Variants in CDYL2 observed in about 807,000 individuals in gnomAD.
CDYL2 encodes chromodomain Y like 2, also known as chromodomain Y-like protein 2.
In CDYL2, 23 loss-of-function variants were observed where a neutral mutation model predicts 49.4. The observed-to-expected ratio is 0.47, with a 90% CI of 0.34 to 0.66. The LOEUF is 0.66. Ranked by LOEUF, CDYL2 falls within the 30% of genes least tolerant of loss-of-function variation. The pLI is 0.01. For synonymous variants in CDYL2, 360 were observed against 268.8 expected, an observed-to-expected ratio of 1.34 and a Z score of -3.32; for missense variants, 678 against 656.4, an observed-to-expected ratio of 1.03 and a Z score of -0.36.
intron 1 of CDYL2, among the ~76,000 whole-genome samples, chr16:80,768,207 C>T (rs1023120627): frequency 3.9e-5 from 6 of 152,184 alleles, no homozygotes; most frequent in Middle Eastern, 3.2e-3. Context: ...ACAGAACATA[C>T]TAGAGATCCT....
intron 1 of CDYL2, among the ~76,000 whole-genome samples, chr16:80,789,283 A>T (rs148300032): frequency 6.6e-6 from 1 of 152,286 alleles, no homozygotes; most frequent in Non-Finnish European, 1.5e-5. Context: ...TATCTACCCA[A>T]AGGAAAAGAA....
chr16:80,730,904 T>G (rs118125777), intron 1 of CDYL2, among the ~76,000 whole-genome samples: 4,400 of 152,246 alleles, frequency 0.029, 85 homozygotes, highest in East Asian at 0.097. Context: ...AAATGTAAAC[T>G]AATCTGCACT....
intron 1 of CDYL2, among the ~76,000 whole-genome samples, chr16:80,722,813 G>C (rs1257211402): frequency 6.6e-6 from 1 of 152,196 alleles, no homozygotes; most frequent in Non-Finnish European, 1.5e-5. Flanking sequence ...CCAGGAGACA[G>C]ACTACGGCCC....
chr16:80,736,971 G>A (rs1209477105), intron 1 of CDYL2, among the ~76,000 whole-genome samples: 8 of 152,202 alleles, frequency 5.3e-5, no homozygotes, highest in Admixed American at 2.6e-4. Context: ...ATGATGCATC[G>A]TATTCAGATT....
chr16:80,644,158 C>G (rs536675087), intron 2 of CDYL2, among the ~76,000 whole-genome samples: 3 of 152,190 alleles, frequency 2.0e-5, no homozygotes, highest in African/African-American at 7.2e-5. Context: ...CAAAGTTCCA[C>G]AAATCTCTAA....
intron 1 of CDYL2, among the ~76,000 whole-genome samples, chr16:80,766,283 C>CA (rs113086101): frequency 4.5e-4 from 67 of 147,808 alleles, no homozygotes; most frequent in Middle Eastern, 3.5e-3. Context: ...CTTTTATTGA[C>CA]AAAAAAAAAG....
chr16:80,782,881 A>G (rs996840782), intron 1 of CDYL2, among the ~76,000 whole-genome samples: 2 of 152,160 alleles, frequency 1.3e-5, no homozygotes, highest in African/African-American at 4.8e-5. Flanking sequence ...AAGAAAACGC[A>G]CAGCTAACAC....
rs758550547 is a variant in CDYL2 at position 80,604,530 on chromosome 16, T to C, written c.1379A>G (p.Lys460Arg). ...SCSAVVLEESKCLVRSFLKSV... is the reference protein window; with the variant it reads ...SCSAVVLEESRCLVRSFLKSV... ...TTTCAGGAAGCTCCGCACGAGGCAT[T>C]TGGACTCCTCTAACACCTAGAGGGA... Residue 460 changes from lysine (K) to arginine (R), a missense_variant, in exon 7 of 7, where the codon AAA becomes AGA. By Grantham distance (26) the Lys-to-Arg change is conservative. This residue lies in a region of CDYL2 where 153 missense variants were observed against 150.6 expected (regional missense o/e 1.02). Coordinates refer to ENST00000570137, the MANE Select transcript of CDYL2 (RefSeq NM_152342.4). 12 of 1,614,044 alleles carry C rather than the reference T, an allele frequency of 7.4e-6. No individual in the cohort carries two copies. The African/African-American group carries it at 8.0e-5, about 11-fold the overall frequency.
chr16:80,804,104 CGCCGCCCGCT>C (rs1399597085), intron 1 of CDYL2, 36 bp downstream of exon 1: 3 of 1,017,200 alleles, frequency 2.9e-6, no homozygotes, highest in African/African-American at 3.6e-5. Flanking sequence ...CGCCGCCCGC[CGCCGCCCGCT>C]GACTGGGGCC....
chr16:80,668,988 A>C (rs545428793), intron 2 of CDYL2, among the ~76,000 whole-genome samples: 143 of 152,236 alleles, frequency 9.4e-4, no homozygotes, highest in Admixed American at 4.4e-3. Context: ...CCTATTTGTA[A>C]CTTTAGAAAA....
intron 2 of CDYL2, among the ~76,000 whole-genome samples, chr16:80,674,620 C>T (rs1160584432): frequency 1.3e-5 from 2 of 152,250 alleles, no homozygotes; most frequent in African/African-American, 4.8e-5. Flanking sequence ...TCCCCACTCC[C>T]TCCTCCCCTT....
intron 1 of CDYL2, among the ~76,000 whole-genome samples, chr16:80,786,702 A>C (rs1239077755): frequency 1.3e-5 from 2 of 152,224 alleles, no homozygotes; most frequent in Admixed American, 6.5e-5. Flanking sequence ...TGGATTAAGA[A>C]AATGTGGCAC....
chr16:80,759,414 G>A (rs535121807), intron 1 of CDYL2, among the ~76,000 whole-genome samples: 52 of 151,898 alleles, frequency 3.4e-4, no homozygotes, highest in Non-Finnish European at 5.4e-4. Context: ...TTTGTCAAGC[G>A]CTTCAATACG....
At chr16:80,676,450 G>A (rs1415082573) in intron 2 of CDYL2, among the ~76,000 whole-genome samples, 1 of 152,138 alleles carries the variant, frequency 6.6e-6, no homozygotes, top group East Asian at 1.9e-4. Context: ...CCTCTCAGTG[G>A]TTCACCAGAT....
intron 2 of CDYL2, among the ~76,000 whole-genome samples, chr16:80,670,396 C>T (rs1909452006): frequency 6.6e-6 from 1 of 152,200 alleles, no homozygotes; most frequent in Non-Finnish European, 1.5e-5. Context: ...CTTCTCCTTG[C>T]TGCCACCACA....
Position 80,620,763 on chromosome 16 carries a change from C to T in CDYL2, c.1007G>A (p.Arg336Lys). ...KESTRIAEAI[R>K]DFVKAFIQFK... The stretch of plus-strand genomic sequence containing the variant: ...GTGTGTGAAAAGGAGCACAGCTCAC[C>T]TGATGGCTTCTGCAATCCGAGTGCT... Residue 336 changes from arginine to lysine, a missense_variant and splice_region_variant, in exon 4 of 7, where the codon AGG (arginine) becomes AAG (lysine). Transcript: ENST00000570137. 1 of 1,595,504 alleles carries T rather than the reference C, an allele frequency of 6.3e-7. No homozygotes were observed. The highest frequency in any genetic ancestry group is 8.6e-7 in the Non-Finnish European group (1 of 1,166,796).
At chr16:80,803,956 AGGCGGCGGGCGGCG>A (rs890282133) in intron 1 of CDYL2, among the ~76,000 whole-genome samples, 180 bp downstream of exon 1, 1 of 137,316 alleles carries the variant, frequency 7.3e-6, no homozygotes, top group African/African-American at 2.6e-5. Context: ...GCGCCGCGGG[AGGCGGCGGGCGGCG>A]GGCGGCGGGC....
intron 1 of CDYL2, among the ~76,000 whole-genome samples, chr16:80,705,252 C>A (rs961331378): frequency 6.6e-6 from 1 of 152,220 alleles, no homozygotes; most frequent in Admixed American, 6.5e-5. Context: ...CCTTTGCAGT[C>A]TTCCACAGGT....
intron 2 of CDYL2, among the ~76,000 whole-genome samples, chr16:80,639,224 T>C (rs1159786592): frequency 6.6e-6 from 1 of 152,154 alleles, no homozygotes; most frequent in Non-Finnish European, 1.5e-5. Flanking sequence ...GGATGCCGAG[T>C]GACAGGAATG....
Sources: allele counts gnomAD v4.1 joint callset (sites outside exome capture counted in the v4.1 genomes callset), GRCh38; gene constraint gnomAD v4.1.1; regional missense constraint gnomAD v4.1.1; transcripts MANE v1.5; gene names NCBI Gene and HGNC (gene_info 2026-07-23, HGNC 2026-07-21).